Variants in ENOX1 observed in about 807,000 individuals in gnomAD.
The protein encoded by ENOX1 is candidate growth-related and time keeping constitutive hydroquinone (NADH) oxidase.
Under a neutral mutation model 82.5 loss-of-function variants are expected in ENOX1, and 42 were observed. That is an observed-to-expected ratio of 0.51 (90% CI 0.40 to 0.66). The LOEUF is 0.66. ENOX1 is among the 30% of genes least tolerant of loss of function. The probability of loss-of-function intolerance (pLI) is 0.00; values close to 1 mark genes in which losing one functional copy is unlikely to be tolerated. For missense variants in ENOX1, 608 were observed against 811.6 expected (o/e 0.75, Z 3.05); for synonymous variants, 271 against 282.2 (o/e 0.96, Z 0.40).
At chr13:43,633,337 G>A (rs1367875270) in intron 2 of ENOX1, among the ~76,000 whole-genome samples, 2 of 152,130 alleles carry the variant, frequency 1.3e-5, no homozygotes, top group Non-Finnish European at 2.9e-5. Context: ...AAATTTGCCA[G>A]TATCTATCAT....
intron 1 of ENOX1, among the ~76,000 whole-genome samples, chr13:43,718,818 T>C (rs965659375): frequency 6.6e-6 from 1 of 152,114 alleles, no homozygotes; most frequent in African/African-American, 2.4e-5. Flanking sequence ...GCAGGTATTC[T>C]ACTGTGTCCT....
intron 15 of ENOX1, among the ~76,000 whole-genome samples, chr13:43,230,760 G>T (rs574830919): frequency 6.6e-6 from 1 of 152,114 alleles, no homozygotes; most frequent in Non-Finnish European, 1.5e-5. Context: ...AGGTATTATG[G>T]TTTCTCCTTT....
intron 3 of ENOX1, among the ~76,000 whole-genome samples, chr13:43,425,839 G>C (rs1486594567): frequency 6.6e-6 from 1 of 152,118 alleles, no homozygotes; most frequent in Non-Finnish European, 1.5e-5. Flanking sequence ...TTGTAACTGG[G>C]CTATCTCACT....
intron 5 of ENOX1, among the ~76,000 whole-genome samples, chr13:43,372,370 G>A (rs1170447222): frequency 6.6e-6 from 1 of 152,168 alleles, no homozygotes; most frequent in Non-Finnish European, 1.5e-5. Flanking sequence ...TTGTTAATAT[G>A]GCATCTGGAA....
Position 43,641,590 on chromosome 13 carries a change from C to A in ENOX1, c.-219+25889G>T, listed in dbSNP as rs1013148432. Among the ~76,000 whole-genome samples, 5 of 114,316 alleles carry A rather than the reference C, an allele frequency of 4.4e-5. No homozygotes were observed. The Admixed American group carries it at 5.4e-4, about 12-fold the overall frequency. The allele number at this position is 114,316 out of a possible 152,430, so 75.0% of individuals were successfully genotyped here. ...TCACTCTGTCGCCCAGGCTGGAGTG[C>A]AGTGGCGCCATCTTGGCTAACTGCA... On this transcript the variant is annotated intron_variant, in intron 2 of 16. Coordinates refer to ENST00000690772, the MANE Select transcript of ENOX1 (RefSeq NM_001347969.2).
At chr13:43,471,334 G>A (rs943899218) in intron 3 of ENOX1, among the ~76,000 whole-genome samples, 28 of 152,082 alleles carry the variant, frequency 1.8e-4, no homozygotes, top group African/African-American at 6.7e-4. Context: ...ATATAGATTC[G>A]GGTGCAACAG....
chr13:43,433,975 T>C lies in ENOX1; in HGVS notation c.-74-20987A>G, dbSNP rs539511148. 8.5e-5 allele frequency among the ~76,000 whole-genome samples: 13 copies of C among 152,274 alleles called. No homozygotes were observed. The East Asian group carries it at 2.5e-3, about 29-fold the overall frequency. ...ACAGTAGAGATGGGCCAGCAAGATA[T>C]AAAGATGTCCACAGAAGTGGCCAAG... On this transcript the variant is annotated intron_variant, in intron 3 of 16. Coordinates refer to ENST00000690772, the MANE Select transcript of ENOX1 (RefSeq NM_001347969.2).
intron 2 of ENOX1, among the ~76,000 whole-genome samples, chr13:43,508,943 A>G (rs2077272231): frequency 6.6e-6 from 1 of 152,002 alleles, no homozygotes; most frequent in Non-Finnish European, 1.5e-5. Flanking sequence ...TATTGATCAA[A>G]TAAATGTGAA....
At chr13:43,527,193 C>T (rs1295651212) in intron 2 of ENOX1, among the ~76,000 whole-genome samples, 4 of 152,026 alleles carry the variant, frequency 2.6e-5, no homozygotes, top group African/African-American at 4.8e-5. Context: ...TCCCTCCTCC[C>T]GAAGATCCAC....
chr13:43,576,513 G>C (rs1280403840), intron 2 of ENOX1, among the ~76,000 whole-genome samples: 2 of 151,888 alleles, frequency 1.3e-5, no homozygotes, highest in African/African-American at 4.8e-5. Context: ...AATGTGCCTA[G>C]TTCACATTAA....
chr13:43,560,221 G>A (rs2079610358), intron 2 of ENOX1, among the ~76,000 whole-genome samples: 1 of 151,924 alleles, frequency 6.6e-6, no homozygotes, highest in Non-Finnish European at 1.5e-5. Context: ...ATGTACTATT[G>A]AACAGGTATG....
chr13:43,495,929 T>C (rs1006263185), intron 2 of ENOX1, among the ~76,000 whole-genome samples: 3 of 152,154 alleles, frequency 2.0e-5, no homozygotes, highest in Non-Finnish European at 4.4e-5. Context: ...GATGTCATTA[T>C]TATGGCTTCA....
intron 2 of ENOX1, among the ~76,000 whole-genome samples, chr13:43,608,710 C>T (rs2082073659): frequency 6.6e-6 from 1 of 152,128 alleles, no homozygotes; most frequent in African/African-American, 2.4e-5. Context: ...GCTTTTTGGT[C>T]TTTTCCCTTT....
At chr13:43,710,270 T>C (rs888200235) in intron 1 of ENOX1, among the ~76,000 whole-genome samples, 1 of 152,166 alleles carries the variant, frequency 6.6e-6, no homozygotes, top group Non-Finnish European at 1.5e-5. Context: ...TATGTCTGGA[T>C]AACATATTTC....
At chr13:43,268,840 C>T (rs1399894662) in intron 13 of ENOX1, among the ~76,000 whole-genome samples, 1 of 152,194 alleles carries the variant, frequency 6.6e-6, no homozygotes, top group Non-Finnish European at 1.5e-5. Flanking sequence ...CCTGGCTCCT[C>T]TCATGTAGAT....
Position 43,344,714 on chromosome 13 carries a change from A to C in ENOX1, c.860T>G (p.Leu287Arg). 2 of 1,614,200 alleles carry C rather than the reference A, an allele frequency of 1.2e-6. No homozygotes were observed. The highest frequency in any genetic ancestry group is 1.7e-6 in the Non-Finnish European group (2 of 1,180,036). ...SKFSEAITVLLSWIERGEVNR... is the reference protein window; with the variant it reads ...SKFSEAITVLRSWIERGEVNR... ...CACTTCCCCTCGTTCAATCCAGGAA[A>C]GCAGCACTGTGATAGCCTCTGAAAA... Residue 287 changes from leucine (L) to arginine (R), a missense_variant, in exon 9 of 17, where the codon CTT becomes CGT. Physicochemically the swap from Leu to Arg is moderately radical, Grantham distance 102 (BLOSUM62 -2). Transcript: ENST00000690772.
chr13:43,466,297 A>T (rs2057716540), intron 3 of ENOX1, among the ~76,000 whole-genome samples: 2 of 152,206 alleles, frequency 1.3e-5, no homozygotes. Context: ...ACAAACACTC[A>T]TCAATTAGAA....
intron 1 of ENOX1, among the ~76,000 whole-genome samples, chr13:43,776,006 A>G (rs1951895940): frequency 1.3e-5 from 2 of 152,126 alleles, no homozygotes. Context: ...CATTGTTTTT[A>G]TGATATAACC....
intron 5 of ENOX1, among the ~76,000 whole-genome samples, chr13:43,379,672 T>A (rs566097633): frequency 6.6e-6 from 1 of 152,132 alleles, no homozygotes; most frequent in Admixed American, 6.5e-5. Context: ...AAAAGGGCTG[T>A]GGGACAACTG....
Sources: allele counts gnomAD v4.1 joint callset (sites outside exome capture counted in the v4.1 genomes callset), GRCh38; gene constraint gnomAD v4.1.1; transcripts MANE v1.5; gene names NCBI Gene and HGNC (gene_info 2026-07-23, HGNC 2026-07-21).